PRMT8: variants seen among roughly 807,000 people sequenced by gnomAD.
The protein encoded by PRMT8 is protein arginine N-methyltransferase 8.
PRMT8 carries 7 observed loss-of-function variants against 47.1 expected under a neutral mutation model. That is an observed-to-expected ratio of 0.15 (90% CI 0.08 to 0.28). PRMT8 has a LOEUF of 0.28. Ranked by LOEUF, PRMT8 falls within the 10% of genes least tolerant of loss-of-function variation. The probability of loss-of-function intolerance (pLI) is 1.00; values close to 1 mark genes in which losing one functional copy is unlikely to be tolerated. For synonymous variants in PRMT8, 188 were observed against 186.5 expected (o/e 1.01, Z -0.07); for missense variants, 237 against 505.4 (o/e 0.47, Z 5.09).
chr12:3,573,468 C>G (rs1866886937), intron 6 of PRMT8, among the ~76,000 whole-genome samples: 1 of 152,156 alleles, frequency 6.6e-6, no homozygotes. Context: ...ATCTGAGCAT[C>G]TCTAAATTTG....
At chr12:3,584,968 C>A (rs1470866912) in intron 8 of PRMT8, among the ~76,000 whole-genome samples, 4 of 152,180 alleles carry the variant, frequency 2.6e-5, no homozygotes, top group African/African-American at 9.7e-5. Flanking sequence ...ACTCTCATAG[C>A]CTCACAGAGA....
upstream of PRMT8, among the ~76,000 whole-genome samples, chr12:3,489,839 GCACACA>G (rs35501021): frequency 1.4e-5 from 2 of 144,854 alleles, no homozygotes; most frequent in South Asian, 2.2e-4. Context: ...ACACACGCGC[GCACACA>G]CACACACACA....
At chr12:3,589,618 T>C (rs542082729) in intron 8 of PRMT8, among the ~76,000 whole-genome samples, 1 of 152,216 alleles carries the variant, frequency 6.6e-6, no homozygotes, top group African/African-American at 2.4e-5. Context: ...GGCACTTTGA[T>C]GGAGAATCAG....
intron 1 of PRMT8, among the ~76,000 whole-genome samples, chr12:3,457,067 G>T (rs533330598): frequency 7.0e-4 from 106 of 152,078 alleles, no homozygotes; most frequent in African/African-American, 2.4e-3. Flanking sequence ...GAGTGCTGTT[G>T]TTTTGTTTTG....
intron 6 of PRMT8, among the ~76,000 whole-genome samples, chr12:3,573,437 G>A (rs1866885799): frequency 6.6e-6 from 1 of 152,104 alleles, no homozygotes; most frequent in Non-Finnish European, 1.5e-5. Flanking sequence ...ATACTTTAAA[G>A]TCTTGTTGGA....
At chr12:3,403,634 C>T (rs1027959931) in intron 1 of PRMT8, among the ~76,000 whole-genome samples, 2 of 151,928 alleles carry the variant, frequency 1.3e-5, no homozygotes, top group African/African-American at 2.4e-5. Flanking sequence ...AATCCCAGAA[C>T]TTTGGGAGGC....
chr12:3,593,476 C>G lies in PRMT8; in HGVS notation c.*294C>G. The stretch of plus-strand genomic sequence containing the variant: ...GGGTGGAAACGTATTCGCGTCTCCC[C>G]GTCTCCTCCTTAACTGTGACTCTCC... On this transcript the variant is annotated 3_prime_UTR_variant, in exon 10 of 10. Coordinates refer to ENST00000382622, the MANE Select transcript of PRMT8 (RefSeq NM_019854.5). The surrounding 1 kb of genome is among the most constrained non-coding windows in gnomAD (Gnocchi z 4.8). 1 of 399,160 alleles carries G rather than the reference C, an allele frequency of 2.5e-6. No individual in the cohort carries two copies. Among genetic ancestry groups the G allele is most frequent in the Non-Finnish European group, 4.5e-6 (1 of 220,520 alleles). 24.7% of individuals were successfully genotyped at this position (399,160 alleles called of 1,614,324 possible). A position where few individuals can be genotyped will look rare whatever the true frequency, so the allele number is the denominator to read the frequency against.
At chr12:3,407,453 T>C (rs1864384124) in intron 1 of PRMT8, among the ~76,000 whole-genome samples, 1 of 152,196 alleles carries the variant, frequency 6.6e-6, no homozygotes, top group South Asian at 2.1e-4. Context: ...CTTGCAACAT[T>C]TCTCCTGAGA....
At chr12:3,454,285 T>C (rs1421370007) in intron 1 of PRMT8, among the ~76,000 whole-genome samples, 2 of 152,012 alleles carry the variant, frequency 1.3e-5, no homozygotes, top group African/African-American at 2.4e-5. Context: ...TCCCAGGACC[T>C]GGTTCCTCAA....
At chr12:3,510,883 T>C (rs893759881) in intron 1 of PRMT8, among the ~76,000 whole-genome samples, 2 of 152,182 alleles carry the variant, frequency 1.3e-5, no homozygotes, top group Non-Finnish European at 2.9e-5. Context: ...GCCTCAACTT[T>C]CCTTACACAT....
Position 3,552,497 on chromosome 12 carries a change from C to A in PRMT8, c.418-1154C>A. On this transcript the variant is annotated intron_variant, in intron 3 of 9. Transcript: ENST00000382622. The surrounding 1 kb of genome is among the most constrained non-coding windows in gnomAD (Gnocchi z 4.5). The stretch of plus-strand genomic sequence containing the variant: ...TCCGGGTCGCATGCTCCTCATCACT[C>A]AACATGGTCGCCTCTTGCAGATCAG... 1 of 304,068 alleles carries A rather than the reference C, an allele frequency of 3.3e-6. No individual in the cohort carries two copies. Among genetic ancestry groups the A allele is most frequent in the South Asian group, 2.7e-5 (1 of 36,664 alleles). 18.8% of individuals were successfully genotyped at this position (304,068 alleles called of 1,614,324 possible).
intron 2 of PRMT8, among the ~76,000 whole-genome samples, chr12:3,544,817 C>T (rs780863456): frequency 1.3e-5 from 2 of 152,200 alleles, no homozygotes; most frequent in Non-Finnish European, 2.9e-5. Flanking sequence ...TCTCTCATGG[C>T]CTGAACCCCC....
chr12:3,536,142 C>T (rs1250980023), intron 1 of PRMT8, among the ~76,000 whole-genome samples: 1 of 152,172 alleles, frequency 6.6e-6, no homozygotes. Context: ...GGCACAGTGC[C>T]TTGCTGTTGT....
rs781418563 is a variant in PRMT8 at position 3,576,486 on chromosome 12, C to A, written c.713-385C>A. Among the ~76,000 whole-genome samples the A allele has an allele frequency of 6.6e-6, 1 of 152,074 alleles. No individual in the cohort carries two copies. The highest frequency in any genetic ancestry group is 1.5e-5 in the Non-Finnish European group (1 of 68,028). Reference sequence around the variant, plus strand: ...GCTCGAGACAGCATAGGAATGGGAACGTAGAAGACAGATAAGGGAGTTCAT... The same window carrying A: ...GCTCGAGACAGCATAGGAATGGGAAAGTAGAAGACAGATAAGGGAGTTCAT... On this transcript the variant is annotated intron_variant, in intron 6 of 9. Coordinates refer to ENST00000382622, the MANE Select transcript of PRMT8 (RefSeq NM_019854.5). The surrounding 1 kb of genome is among the most constrained non-coding windows in gnomAD (Gnocchi z 4.0).
intron 1 of PRMT8, among the ~76,000 whole-genome samples, chr12:3,526,866 C>T (rs1011495847): frequency 1.3e-5 from 2 of 151,978 alleles, no homozygotes; most frequent in Non-Finnish European, 2.9e-5. Context: ...TACTTTTAAG[C>T]TTTTATTATG....
At chr12:3,542,946 C>T (rs978622593) in intron 2 of PRMT8, among the ~76,000 whole-genome samples, 2 of 152,252 alleles carry the variant, frequency 1.3e-5, no homozygotes, top group African/African-American at 4.8e-5. Flanking sequence ...TGACCCAGCA[C>T]CCAGGGGAGA....
exon 1 of PRMT8, chr12:3,381,373 G>C (rs997441500): frequency 4.4e-5 from 67 of 1,535,826 alleles, no homozygotes; most frequent in Non-Finnish European, 5.7e-5. Context: ...GAGGCTTGCT[G>C]TTTGAATGTG....
intron 8 of PRMT8, among the ~76,000 whole-genome samples, chr12:3,586,232 G>T (rs1023798215): frequency 6.6e-6 from 1 of 152,128 alleles, no homozygotes; most frequent in African/African-American, 2.4e-5. Flanking sequence ...GTCCCATGTG[G>T]AGGAGCCTGG....
intron 7 of PRMT8, among the ~76,000 whole-genome samples, chr12:3,581,190 G>T (rs1218006755): frequency 6.6e-6 from 1 of 152,168 alleles, no homozygotes; most frequent in Non-Finnish European, 1.5e-5. Context: ...CAAGTGGCAG[G>T]ACCCACCCAG....
Sources: allele counts gnomAD v4.1 joint callset (sites outside exome capture counted in the v4.1 genomes callset), GRCh38; gene constraint gnomAD v4.1.1; non-coding constraint Gnocchi (gnomAD v3.1); transcripts MANE v1.5; gene names NCBI Gene and HGNC (gene_info 2026-07-23, HGNC 2026-07-21).